Variants in DNMT3A observed in about 807,000 individuals in gnomAD.
DNMT3A encodes DNA (cytosine-5)-methyltransferase 3A.
Under a neutral mutation model 117.6 loss-of-function variants are expected in DNMT3A, and 267 were observed. The ratio of observed to expected loss-of-function variants is 2.27; its 90% CI spans 2.05 to 2.51. The LOEUF (loss-of-function observed/expected upper bound fraction) is 2.51, where lower values mean the gene tolerates loss of function less well. Among genes scored for constraint, DNMT3A ranks in the 30% most tolerant of loss-of-function variants. The pLI, the probability that DNMT3A is intolerant of heterozygous loss-of-function variation, is 0.00. For missense variants in DNMT3A, 1,029 were observed against 1,260.2 expected (o/e 0.82, Z 2.78); for synonymous variants, 432 against 474.8 (o/e 0.91, Z 1.17).
At chr2:25,242,393 G>A (rs750776847) in intron 16 of DNMT3A, among the ~76,000 whole-genome samples, 14 of 152,108 alleles carry the variant, frequency 9.2e-5, no homozygotes, top group Non-Finnish European at 1.8e-4. Flanking sequence ...AGCAGATCCC[G>A]AGAGGGTCTC....
chr2:25,251,724 A>T (rs1316651048), intron 6 of DNMT3A, among the ~76,000 whole-genome samples: 1 of 152,074 alleles, frequency 6.6e-6, no homozygotes, highest in African/African-American at 2.4e-5. Flanking sequence ...GCTTCCAGGA[A>T]CTCGCAGGAG....
At chr2:25,248,482 C>T (rs994085836) in intron 6 of DNMT3A, among the ~76,000 whole-genome samples, 2 of 152,200 alleles carry the variant, frequency 1.3e-5, no homozygotes, top group Non-Finnish European at 2.9e-5. Flanking sequence ...AAACCTTCCT[C>T]CCAGATCTAA....
At position 25,313,807 on chromosome 2, in the gene DNMT3A, G is replaced by A; in HGVS notation, c.72+106C>T. ...GGTCCCACACCCTGTCGTGAGCACT[G>A]AGTGATGCGGTCATGCACTCAGTAT... On this transcript the variant is annotated intron_variant, in intron 2 of 22. Transcript: ENST00000321117. 5 of 1,507,376 alleles carry A rather than the reference G, an allele frequency of 3.3e-6. 1 individual carries two copies. The South Asian group carries it at 6.1e-5, about 18-fold the overall frequency. The allele number at this position is 1,507,376 out of a possible 1,614,324, so 93.4% of individuals were successfully genotyped here.
At chr2:25,319,102 C>A (rs2034495703) in intron 1 of DNMT3A, among the ~76,000 whole-genome samples, 1 of 150,276 alleles carries the variant, frequency 6.7e-6, no homozygotes, top group South Asian at 2.1e-4. Flanking sequence ...GCAACCTCCA[C>A]CTCCCGGGTT....
Position 25,246,783 on chromosome 2 carries a change from G to A in DNMT3A, c.1123-7C>T. 1.2e-6 allele frequency: 2 copies of A among 1,612,666 alleles called. No individual in the cohort carries two copies. The highest frequency in any genetic ancestry group is 1.7e-6 in the Non-Finnish European group (2 of 1,179,854). On this transcript the variant is annotated splice_region_variant and splice_polypyrimidine_tract_variant and intron_variant, in intron 9 of 22. Coordinates refer to ENST00000321117, the MANE Select transcript of DNMT3A (RefSeq NM_022552.5). ...CCGCGCGGCTGCTGGCCACCTGGAG[G>A]GTGACACGCCAGGGTTGGGGTTGTC... is the stretch of plus-strand genomic sequence containing the variant.
chr2:25,303,764 G>A (rs1006623987), intron 2 of DNMT3A, among the ~76,000 whole-genome samples: 1 of 152,254 alleles, frequency 6.6e-6, no homozygotes, highest in South Asian at 2.1e-4. Flanking sequence ...AGGGCAAAGC[G>A]GGAAGCGATG....
intron 16 of DNMT3A, 67 bp from the exon 17 acceptor site, chr2:25,241,774 G>A (rs1674087689): frequency 6.4e-7 from 1 of 1,574,218 alleles, no homozygotes; most frequent in Non-Finnish European, 8.6e-7. Flanking sequence ...CTCGGCAGGT[G>A]AGCCTGCTGG....
Position 25,300,220 on chromosome 2 carries a change from C to A in DNMT3A, c.96G>T (p.Pro32=), listed in dbSNP as rs780375536. Residue 32 remains proline (P), a synonymous_variant, in exon 3 of 23, where the codon CCG becomes CCT. Transcript: ENST00000321117. ...GCTCTTGGCGCTCCTCCTTGCCACG[C>A]GGCTCCTCCTGCTCCTCTCCGTCCT... ...DRKDGEEQEE[P]RGKEERQEPS... 2 of 1,609,610 alleles carry A rather than the reference C, an allele frequency of 1.2e-6. No homozygotes were observed. The highest frequency in any genetic ancestry group is 2.7e-5 in the African/African-American group (2 of 74,910).
At chr2:25,269,963 G>A (rs969997581) in intron 6 of DNMT3A, among the ~76,000 whole-genome samples, 9 of 152,218 alleles carry the variant, frequency 5.9e-5, no homozygotes, top group African/African-American at 2.2e-4. Context: ...TGGGCAAGGA[G>A]AAGGAAGTTA....
At chr2:25,262,018 C>T (rs1194117555) in intron 6 of DNMT3A, among the ~76,000 whole-genome samples, 1 of 151,888 alleles carries the variant, frequency 6.6e-6, no homozygotes, top group Admixed American at 6.6e-5. Context: ...AACCCCACCC[C>T]GTCTCTACTA....
At chr2:25,279,207 A>T (rs2031696909) in intron 4 of DNMT3A, among the ~76,000 whole-genome samples, 1 of 152,040 alleles carries the variant, frequency 6.6e-6, no homozygotes, top group African/African-American at 2.4e-5. Flanking sequence ...TCATCTCATC[A>T]TCTCCCGTCT....
chr2:25,240,908 G>A (rs1573314629), intron 17 of DNMT3A, among the ~76,000 whole-genome samples, 178 bp from the exon 18 acceptor site: 1 of 152,184 alleles, frequency 6.6e-6, no homozygotes. Context: ...AAACAAGAAC[G>A]GGACCAAGTT....
rs753460571 is a variant in DNMT3A, at chr2:25,248,097, C to A, written c.795G>T (p.Val265=). The change falls in exon 7 of 23, where the codon GTG becomes GTT. Residue 265 remains valine, a synonymous_variant. Coordinates refer to ENST00000321117, the MANE Select transcript of DNMT3A (RefSeq NM_022552.5). The part of the protein sequence containing the change: ...SPTVATTPEP[V]GSDAGDKNAT... ...CATTCTTGTCCCCAGCATCGGACCCCACGGGCTCAGGCGTGGTAGCCACAG... is the reference window on the plus strand; with the variant it reads ...CATTCTTGTCCCCAGCATCGGACCCAACGGGCTCAGGCGTGGTAGCCACAG... 10 of 1,613,222 alleles carry A rather than the reference C, an allele frequency of 6.2e-6. No homozygotes were observed.
chr2:25,262,282 C>T (rs1237800697), intron 6 of DNMT3A, among the ~76,000 whole-genome samples: 1 of 152,080 alleles, frequency 6.6e-6, no homozygotes, highest in East Asian at 1.9e-4. Flanking sequence ...AAATCCACCC[C>T]CTCCTAAGAG....
At chr2:25,341,114 G>C (rs1357268802) in intron 1 of DNMT3A, among the ~76,000 whole-genome samples, 1 of 143,158 alleles carries the variant, frequency 7.0e-6, no homozygotes, top group Non-Finnish European at 1.6e-5. Flanking sequence ...GGAGGATCGC[G>C]GCGCGGCGCT....
At chr2:25,273,464 C>T (rs1453494764) in intron 6 of DNMT3A, among the ~76,000 whole-genome samples, 1 of 152,156 alleles carries the variant, frequency 6.6e-6, no homozygotes, top group African/African-American at 2.4e-5. Context: ...GGGCCGCCTT[C>T]CCCTGGAGGC....
intron 1 of DNMT3A, among the ~76,000 whole-genome samples, chr2:25,318,876 T>C (rs1383554410): frequency 6.6e-6 from 1 of 150,558 alleles, no homozygotes; most frequent in Non-Finnish European, 1.5e-5. Context: ...TTTTTTTCTA[T>C]TTTTAGTAGA....
At chr2:25,242,135 C>T (rs574704477) in intron 16 of DNMT3A, 1 of 191,104 alleles carries the variant, frequency 5.2e-6, no homozygotes, top group African/African-American at 2.4e-5. Context: ...TCATAAATGC[C>T]CTGCCCCACC....
Position 25,244,250 on chromosome 2 carries a change from AC to A in DNMT3A, c.1755del (p.Met585IlefsTer66), listed in dbSNP as rs1376463207. The A allele has an allele frequency of 1.2e-6, 2 of 1,613,784 alleles. No homozygotes were observed. On this transcript the variant is annotated frameshift_variant, in exon 15 of 23. Coordinates refer to ENST00000321117, the MANE Select transcript of DNMT3A (RefSeq NM_022552.5). LOFTEE classifies it high-confidence loss of function. Reference protein sequence around the residue: ...AIKEDPWNCYMCGHKGTYGLL... With the variant: ...AIKEDPWNCYXCGHKGTYGLL... ...AGCCCGTAGGTACCCTTGTGCCCGC[AC>A]ATGTAGCAGTTCCAGGGGTCTTCCT...
Sources: allele counts gnomAD v4.1 joint callset (sites outside exome capture counted in the v4.1 genomes callset), GRCh38; gene constraint gnomAD v4.1.1; transcripts MANE v1.5; gene names NCBI Gene and HGNC (gene_info 2026-07-23, HGNC 2026-07-21).